The following ACSF3 variants were observed in gnomAD, a reference collection of about 807,000 sequenced individuals.
ACSF3 encodes the protein acyl-CoA synthetase family member 3, also known as malonate--CoA ligase ACSF3, mitochondrial.
A neutral mutation model predicts 53.2 loss-of-function variants in ACSF3; 78 were observed. The observed-to-expected ratio is 1.47, with a 90% CI of 1.22 to 1.77. ACSF3 has a LOEUF of 1.77. Among genes scored for constraint, ACSF3 ranks in the 40% most tolerant of loss-of-function variants. ACSF3 has a pLI of 0.00. For synonymous variants in ACSF3, 414 were observed against 333.1 expected, an observed-to-expected ratio of 1.24 and a Z score of -2.65; for missense variants, 937 against 771.1, an observed-to-expected ratio of 1.22 and a Z score of -2.55.
At chr16:89,106,837 C>T (rs1470188686) in intron 4 of ACSF3, among the ~76,000 whole-genome samples, 1 of 152,224 alleles carries the variant, frequency 6.6e-6, no homozygotes, top group South Asian at 2.1e-4. Flanking sequence ...TTCAAGTCAT[C>T]CTGCACAGAG....
At chr16:89,094,362 A>G (rs1342762061) in intron 1 of ACSF3, among the ~76,000 whole-genome samples, 1 of 152,164 alleles carries the variant, frequency 6.6e-6, no homozygotes, top group East Asian at 1.9e-4. Context: ...GTCACCCTTG[A>G]AGTACTCCCC....
At position 89,155,128 on chromosome 16, in the gene ACSF3, CG is replaced by C. The variant is rs1221951568; in HGVS notation, c.*925del. 3 of 454,012 alleles carry C rather than the reference CG, an allele frequency of 6.6e-6. No homozygotes were observed. The East Asian group carries it at 2.1e-4, about 32-fold the overall frequency. The allele number at this position is 454,012 out of a possible 1,614,324, so 28.1% of individuals were successfully genotyped here. On this transcript the variant is annotated 3_prime_UTR_variant, in exon 11 of 11. Coordinates refer to ENST00000614302, the MANE Select transcript of ACSF3 (RefSeq NM_001243279.3). Reference sequence around the variant, plus strand: ...GTGCACCCACGTTGCATTTACTTAGCGGGGCCAATTCAGATGCACAGGGGCC... The same window carrying C: ...GTGCACCCACGTTGCATTTACTTAGCGGGCCAATTCAGATGCACAGGGGCC...
intron 1 of ACSF3, among the ~76,000 whole-genome samples, chr16:89,094,309 T>C (rs940496160): frequency 6.6e-6 from 1 of 152,172 alleles, no homozygotes; most frequent in Non-Finnish European, 1.5e-5. Context: ...TCTTTGGTTG[T>C]GTTTGGAATA....
intron 7 of ACSF3, 35 bp downstream of exon 7, chr16:89,120,948 T>C: frequency 1.3e-6 from 2 of 1,593,578 alleles, no homozygotes; most frequent in Non-Finnish European, 1.7e-6. Flanking sequence ...TGGGCGGCCG[T>C]GTGTCCAGTC....
At chr16:89,111,172 A>G (rs1393883088) in intron 4 of ACSF3, among the ~76,000 whole-genome samples, 2 of 152,118 alleles carry the variant, frequency 1.3e-5, no homozygotes, top group Non-Finnish European at 2.9e-5. Context: ...ATTTCCTGAG[A>G]CTTCTTCCCT....
chr16:89,104,368 C>T (rs926828091), intron 4 of ACSF3, among the ~76,000 whole-genome samples: 1 of 152,216 alleles, frequency 6.6e-6, no homozygotes, highest in Non-Finnish European at 1.5e-5. Context: ...GGTTGTTCTG[C>T]AGGGCAGACG....
intron 7 of ACSF3, among the ~76,000 whole-genome samples, chr16:89,130,527 T>C (rs1909061742): frequency 6.6e-6 from 1 of 152,160 alleles, no homozygotes; most frequent in African/African-American, 2.4e-5. Context: ...TAAGCCGAGA[T>C]CATGCCATTG....
chr16:89,134,932 C>T (rs1039734591), intron 8 of ACSF3, among the ~76,000 whole-genome samples: 2 of 152,148 alleles, frequency 1.3e-5, no homozygotes, highest in African/African-American at 2.4e-5. Context: ...GGATAGCAGA[C>T]GTGCGTGGGT....
At chr16:89,102,803 G>A (rs781156864) in intron 4 of ACSF3, 44 bp downstream of exon 4, 6 of 1,522,596 alleles carry the variant, frequency 3.9e-6, no homozygotes, top group East Asian at 2.3e-5. Context: ...CAGACTAGGC[G>A]CCTTTCCCCT....
chr16:89,117,298 C>T lies in ACSF3; in HGVS notation c.1126+2811C>T, dbSNP rs117009118. On this transcript the variant is annotated intron_variant, in intron 6 of 10. Coordinates refer to ENST00000614302, the MANE Select transcript of ACSF3 (RefSeq NM_001243279.3). ...TGGGGTCATATTTTGCACTCACATA[C>T]AAGAACCCATGAGCCTGCCCACGGT... 1.8e-3 allele frequency among the ~76,000 whole-genome samples: 274 copies of T among 152,356 alleles called. 4 individuals carry two copies. In the East Asian group the frequency reaches 0.045, roughly 25 times the overall value.
chr16:89,097,886 C>A (rs766375582), intron 1 of ACSF3, among the ~76,000 whole-genome samples: 1 of 152,228 alleles, frequency 6.6e-6, no homozygotes, highest in African/African-American at 2.4e-5. Context: ...GCCCGCGGAG[C>A]TGTGCTGAGG....
chr16:89,145,940 G>A lies in ACSF3; in HGVS notation c.1504G>A (p.Val502Met), dbSNP rs1912857153. 1.2e-6 allele frequency: 2 copies of A among 1,613,900 alleles called. No individual in the cohort carries two copies. Among genetic ancestry groups the A allele is most frequent in the Non-Finnish European group, 1.7e-6 (2 of 1,179,760 alleles). Reference protein sequence around the residue: ...HLLAHPSITDVAVIGVPDMTW... With the variant: ...HLLAHPSITDMAVIGVPDMTW... ...TCAAACTGTTCTTCTATCCGCAGATGTGGCTGTGATTGGAGTTCCGGATAT... is the reference window on the plus strand; with the variant it reads ...TCAAACTGTTCTTCTATCCGCAGATATGGCTGTGATTGGAGTTCCGGATAT... Residue 502 changes from valine to methionine, a missense_variant and splice_region_variant, in exon 10 of 11, where the codon GTG (valine) becomes ATG (methionine). By Grantham distance (21) the Val-to-Met change is conservative. Coordinates refer to ENST00000614302, the MANE Select transcript of ACSF3 (RefSeq NM_001243279.3).
chr16:89,119,286 C>T (rs1906024733), intron 6 of ACSF3, among the ~76,000 whole-genome samples: 1 of 152,224 alleles, frequency 6.6e-6, no homozygotes, highest in East Asian at 1.9e-4. Context: ...TGTCCTTGCG[C>T]TGCGTCCCCG....
chr16:89,101,022 C>CGTCAT lies in ACSF3; in HGVS notation c.343_347dup (p.Trp116CysfsTer4). On this transcript the variant is annotated frameshift_variant, in exon 3 of 11. Coordinates refer to ENST00000614302, the MANE Select transcript of ACSF3 (RefSeq NM_001243279.3). LOFTEE classifies it high-confidence loss of function. ...GCCTCCTACGTCGTGGCCCAGTGGG[C>CGTCAT]GTCATGGATGAGTGGCGGTGTGGCA... 6.2e-7 allele frequency: 1 copy of CGTCAT among 1,613,886 alleles called. No homozygotes were observed.
At position 89,156,037 on chromosome 16, in the gene ACSF3, G is replaced by A. The variant is rs946532417; in HGVS notation, c.*1830G>A. On this transcript the variant is annotated 3_prime_UTR_variant, in exon 11 of 11. Coordinates refer to ENST00000614302, the MANE Select transcript of ACSF3 (RefSeq NM_001243279.3). The stretch of plus-strand genomic sequence containing the variant: ...AGAATACGGTGCTCCAAGGACATGC[G>A]GTTGAATGCCGTGTTCTAAAGTCAC... 5.9e-5 allele frequency among the ~76,000 whole-genome samples: 9 copies of A among 152,176 alleles called. No homozygotes were observed. The highest frequency in any genetic ancestry group is 8.8e-5 in the Non-Finnish European group (6 of 68,030).
rs991384384 is a variant in ACSF3 at position 89,154,471 on chromosome 16, C to A, written c.*264C>A. ...CATCTGTGCAGCGCGGTGCAGCCAG[C>A]CCCTGGCCCCACGTGCTGAGGCACC... On this transcript the variant is annotated 3_prime_UTR_variant, in exon 11 of 11. Coordinates refer to ENST00000614302, the MANE Select transcript of ACSF3 (RefSeq NM_001243279.3). 1 of 615,340 alleles carries A rather than the reference C, an allele frequency of 1.6e-6. No homozygotes were observed. The highest frequency in any genetic ancestry group is 3.0e-6 in the Non-Finnish European group (1 of 331,104). 38.1% of individuals were successfully genotyped at this position (615,340 alleles called of 1,614,324 possible).
At chr16:89,119,866 T>G (rs1906188933) in intron 6 of ACSF3, among the ~76,000 whole-genome samples, 1 of 152,232 alleles carries the variant, frequency 6.6e-6, no homozygotes, top group Admixed American at 6.5e-5. Flanking sequence ...TTCACTGCAC[T>G]GACCCTCGAT....
chr16:89,102,701 T>C lies in ACSF3; in HGVS notation c.764T>C (p.Leu255Pro). Residue 255 changes from leucine to proline, a missense_variant, in exon 4 of 11, where the codon CTC (leucine) becomes CCC (proline). Leu to Pro is a moderately conservative substitution (Grantham distance 98). Transcript: ENST00000614302. ...GTCCATGGTGTGGTCAACGCGCTGC[T>C]CTGTCCTCTCTGGGTGGGAGCCACC... ...HHVHGVVNAL[L>P]CPLWVGATCV... 1 of 1,613,568 alleles carries C rather than the reference T, an allele frequency of 6.2e-7. No homozygotes were observed. Among genetic ancestry groups the C allele is most frequent in the Non-Finnish European group, 8.5e-7 (1 of 1,180,018 alleles).
chr16:89,104,315 C>G (rs1159941693), intron 4 of ACSF3, among the ~76,000 whole-genome samples: 1 of 152,258 alleles, frequency 6.6e-6, no homozygotes, highest in Non-Finnish European at 1.5e-5. Flanking sequence ...AGGAGCCCAT[C>G]TCTGAGGCCA....
Sources: allele counts gnomAD v4.1 joint callset (sites outside exome capture counted in the v4.1 genomes callset), GRCh38; gene constraint gnomAD v4.1.1; transcripts MANE v1.5; gene names NCBI Gene and HGNC (gene_info 2026-07-23, HGNC 2026-07-21).